Variants in PIWIL3 observed in about 807,000 individuals in gnomAD.
The protein encoded by PIWIL3 is piwi like RNA-mediated gene silencing 3.
Under a neutral mutation model 109.7 loss-of-function variants are expected in PIWIL3, and 101 were observed. The observed-to-expected ratio is 0.92, with a 90% CI of 0.78 to 1.09. The LOEUF is 1.09. Among genes scored for constraint, PIWIL3 ranks in the 50% least tolerant of loss-of-function variants. The pLI, the probability that PIWIL3 is intolerant of heterozygous loss-of-function variation, is 0.00. For synonymous variants in PIWIL3, 373 were observed against 376.4 expected (o/e 0.99, Z 0.10); for missense variants, 1,031 against 1,072.6 (o/e 0.96, Z 0.54).
chr22:24,751,118 C>T lies in PIWIL3; in HGVS notation c.1089+269G>A, dbSNP rs114389822. Among the ~76,000 whole-genome samples, 1,025 of 148,108 alleles carry T rather than the reference C, an allele frequency of 6.9e-3. 19 individuals carry two copies. The highest frequency in any genetic ancestry group is 0.024 in the African/African-American group (986 of 40,304). On this transcript the variant is annotated intron_variant, in intron 9 of 20. Coordinates refer to ENST00000616349, the MANE Select transcript of PIWIL3 (RefSeq NM_001255975.1). ...CAGCCTGGGAGACGGAACGAGACTC[C>T]AACTCAAAAAAAAAAAAGTATGATA...
Position 24,760,780 on chromosome 22 carries a change from C to CAAAAAAAAAAAAAAAAAAAAAAAAAAA in PIWIL3, c.103-792_103-791insTTTTTTTTTTTTTTTTTTTTTTTTTTT, listed in dbSNP as rs61469163. 8.0e-4 allele frequency among the ~76,000 whole-genome samples: 33 copies of CAAAAAAAAAAAAAAAAAAAAAAAAAAA among 41,024 alleles called. 2 individuals are homozygous for CAAAAAAAAAAAAAAAAAAAAAAAAAAA. Among genetic ancestry groups the CAAAAAAAAAAAAAAAAAAAAAAAAAAA allele is most frequent in the East Asian group, 3.2e-3 (3 of 940 alleles). The allele number at this position is 41,024 out of a possible 152,430, so 26.9% of individuals were successfully genotyped here. Reference sequence around the variant, plus strand: ...GGGCAACAAGAGCGAAACTCTGTCTCAAAAAAAAAAAAAAAAAAAAAAAGC... The same window carrying CAAAAAAAAAAAAAAAAAAAAAAAAAAA: ...GGGCAACAAGAGCGAAACTCTGTCTCAAAAAAAAAAAAAAAAAAAAAAAAAAAAAAAAAAAAAAAAAAAAAAAAAAGC... On this transcript the variant is annotated intron_variant, in intron 2 of 20. Coordinates refer to ENST00000616349, the MANE Select transcript of PIWIL3 (RefSeq NM_001255975.1).
chr22:24,753,911 CTCAACT>C (rs1327335279), intron 8 of PIWIL3, 97 bp downstream of exon 8: 4 of 1,013,118 alleles, frequency 3.9e-6, no homozygotes, highest in East Asian at 2.5e-5. Flanking sequence ...ATTTCTACTC[CTCAACT>C]TCAACATTTA....
chr22:24,739,973 C>A (rs1923890205), intron 12 of PIWIL3, among the ~76,000 whole-genome samples: 1 of 150,448 alleles, frequency 6.6e-6, no homozygotes, highest in South Asian at 2.1e-4. Flanking sequence ...ATGGTGTGAA[C>A]CCGGTAGGTG....
chr22:24,754,716 T>G lies in PIWIL3; in HGVS notation c.773+68A>C, dbSNP rs1924918320. On this transcript the variant is annotated intron_variant, in intron 7 of 20. Coordinates refer to ENST00000616349, the MANE Select transcript of PIWIL3 (RefSeq NM_001255975.1). ...AAGGCATACCACTTCAAATATGAAA[T>G]GAATAACTTTCTCAAAAAATCCTAC... 7 of 1,289,288 alleles carry G rather than the reference T, an allele frequency of 5.4e-6. 1 individual carries two copies. The South Asian group carries it at 6.0e-5, about 11-fold the overall frequency. The allele number at this position is 1,289,288 out of a possible 1,614,324, so 79.9% of individuals were successfully genotyped here. A position where few individuals can be genotyped will look rare whatever the true frequency, so the allele number is the denominator to read the frequency against.
chr22:24,725,129 C>T, intron 17 of PIWIL3, 92 bp from the exon 18 acceptor site: 1 of 1,467,432 alleles, frequency 6.8e-7, no homozygotes. Flanking sequence ...TCTTTCAACA[C>T]TGCAGCTTTC....
intron 13 of PIWIL3, 146 bp downstream of exon 13, chr22:24,735,559 TCTG>T: frequency 1.5e-6 from 1 of 689,444 alleles, no homozygotes; most frequent in Non-Finnish European, 2.2e-6. Flanking sequence ...TATCACAAAG[TCTG>T]TTTTAATATT....
chr22:24,749,598 C>G, intron 10 of PIWIL3, 77 bp from the exon 11 acceptor site: 1 of 1,610,500 alleles, frequency 6.2e-7, no homozygotes, highest in Non-Finnish European at 8.5e-7. Flanking sequence ...CTGGAGGAAC[C>G]TACTACCAAG....
At chr22:24,756,176 T>C (rs896220544) in intron 5 of PIWIL3, among the ~76,000 whole-genome samples, 3 of 152,172 alleles carry the variant, frequency 2.0e-5, no homozygotes, top group Non-Finnish European at 2.9e-5. Flanking sequence ...ATAAGTTCTC[T>C]AACTTGTTTT....
intron 16 of PIWIL3, among the ~76,000 whole-genome samples, chr22:24,727,262 T>G (rs1912495734): frequency 6.6e-6 from 1 of 152,256 alleles, no homozygotes; most frequent in Admixed American, 6.5e-5. Context: ...CCTGTGATTG[T>G]TATGCTATAT....
chr22:24,768,770 C>T (rs1569114329), intron 1 of PIWIL3, among the ~76,000 whole-genome samples: 1 of 152,200 alleles, frequency 6.6e-6, no homozygotes, highest in Non-Finnish European at 1.5e-5. Context: ...TTCTGTTCCT[C>T]TTCTAGGGGC....
intron 3 of PIWIL3, 136 bp downstream of exon 3, chr22:24,759,733 G>T: frequency 1.6e-6 from 2 of 1,289,946 alleles, no homozygotes; most frequent in South Asian, 1.4e-5. Context: ...AAGAGAGACA[G>T]TTGCAAGCTG....
At chr22:24,740,906 T>C (rs535236908) in intron 12 of PIWIL3, among the ~76,000 whole-genome samples, 1 of 152,230 alleles carries the variant, frequency 6.6e-6, no homozygotes, top group African/African-American at 2.4e-5. Flanking sequence ...CCTAAATCAT[T>C]CTATGAAGCC....
chr22:24,748,104 A>AAAAC (rs573309245), intron 12 of PIWIL3, among the ~76,000 whole-genome samples: 198 of 152,342 alleles, frequency 1.3e-3, no homozygotes, highest in Admixed American at 3.2e-3. Flanking sequence ...AGCCGTAAAA[A>AAAAC]AAACAATGAG....
Position 24,725,462 on chromosome 22 carries a change from A to T in PIWIL3, c.2063T>A (p.Leu688Gln), listed in dbSNP as rs1922935795. 4 of 1,613,988 alleles carry T rather than the reference A, an allele frequency of 2.5e-6. No individual in the cohort carries two copies. Among genetic ancestry groups the T allele is most frequent in the Non-Finnish European group, 3.4e-6 (4 of 1,180,040 alleles). The change falls in exon 17 of 21, where the codon CTG becomes CAG. Residue 688 changes from leucine to glutamine, a missense_variant. By Grantham distance (113) the Leu-to-Gln change is moderately radical (BLOSUM62 -2). Transcript: ENST00000616349. ...QKTGEELVKE[L>Q]EICLKAALDV... The stretch of plus-strand genomic sequence containing the variant: ...ACACTGACCTTTCAAGCAGATCTCC[A>T]GCTCTTTCACAAGCTCTTCTCCTGT...
intron 12 of PIWIL3, among the ~76,000 whole-genome samples, chr22:24,746,220 T>TA (rs913951022): frequency 1.3e-5 from 2 of 152,138 alleles, no homozygotes; most frequent in African/African-American, 2.4e-5. Flanking sequence ...ACTAACACAG[T>TA]AAAAAAAGTT....
chr22:24,722,994 T>C (rs1555909816), intron 19 of PIWIL3, 136 bp downstream of exon 19: 5 of 987,904 alleles, frequency 5.1e-6, no homozygotes, highest in Non-Finnish European at 7.3e-6. Flanking sequence ...TGCCCAATAG[T>C]AAAAAAAACA....
intron 1 of PIWIL3, among the ~76,000 whole-genome samples, chr22:24,767,122 CAG>C (rs761160630): frequency 4.7e-4 from 71 of 152,028 alleles, no homozygotes; most frequent in Admixed American, 1.5e-3. Flanking sequence ...GCCCGGGTGA[CAG>C]AGTGAGACTC....
At chr22:24,757,781 A>G in intron 4 of PIWIL3, 127 bp downstream of exon 4, 1 of 1,143,458 alleles carries the variant, frequency 8.7e-7, no homozygotes, top group East Asian at 2.6e-5. Flanking sequence ...CAGGAGTTTG[A>G]GGCTAAAGTG....
rs368961036 is a variant in PIWIL3, at chr22:24,762,435, T to C, written c.65A>G (p.Glu22Gly). ...AGGTGCTCTGGGTCCCCCAGGTGCC[T>C]CTTGTTGGTAGCTCTCCCTGCGGCG... ...RARRRESYQQ[E>G]APGGPRAPGS... is the part of the protein sequence containing the mutation. Residue 22 changes from glutamate to glycine, a missense_variant, in exon 2 of 21, where the codon GAG becomes GGG. Coordinates refer to ENST00000616349, the MANE Select transcript of PIWIL3 (RefSeq NM_001255975.1). 1.9e-6 allele frequency: 3 copies of C among 1,613,934 alleles called. No individual in the cohort carries two copies. In the African/African-American group the frequency reaches 4.0e-5, roughly 22 times the overall value.
Sources: allele counts gnomAD v4.1 joint callset (sites outside exome capture counted in the v4.1 genomes callset), GRCh38; gene constraint gnomAD v4.1.1; transcripts MANE v1.5; gene names NCBI Gene and HGNC (gene_info 2026-07-23, HGNC 2026-07-21).